SPG11: variants seen among roughly 807,000 people sequenced by gnomAD.
The protein encoded by SPG11 is spatacsin.
Under a neutral mutation model 274.0 loss-of-function variants are expected in SPG11, and 222 were observed. The ratio of observed to expected loss-of-function variants is 0.81; its 90% CI spans 0.73 to 0.91. The LOEUF (loss-of-function observed/expected upper bound fraction) is 0.91, where lower values mean the gene tolerates loss of function less well. SPG11 is among the 40% of genes least tolerant of loss of function. The pLI is 0.00. For synonymous variants in SPG11, 1,144 were observed against 1,039.7 expected, an observed-to-expected ratio of 1.10 and a Z score of -1.93; for missense variants, 3,114 against 2,872.7, an observed-to-expected ratio of 1.08 and a Z score of -1.92.
chr15:44,573,896 T>C, intron 31 of SPG11, 151 bp from the exon 32 acceptor site: 1 of 724,212 alleles, frequency 1.4e-6, no homozygotes, highest in Non-Finnish European at 2.4e-6. Context: ...AAGCAAGTAC[T>C]GTTTTCTAAC....
In SPG11 at chr15:44,563,371, C is replaced by G. The variant is rs544739146; in HGVS notation, c.7152-70G>C. 5 of 1,436,934 alleles carry G rather than the reference C, an allele frequency of 3.5e-6. No homozygotes were observed. The South Asian group carries it at 4.6e-5, about 13-fold the overall frequency. The allele number at this position is 1,436,934 out of a possible 1,614,324, so 89.0% of individuals were successfully genotyped here. A position where few individuals can be genotyped will look rare whatever the true frequency, so the allele number is the denominator to read the frequency against. ...TTTTGTTTTGTTTGAGACAGTCTTA[C>G]TCTGTTGCCCAGGCTGGAGTGCAGA... On this transcript the variant is annotated intron_variant, in intron 39 of 39. Coordinates refer to ENST00000261866, the MANE Select transcript of SPG11 (RefSeq NM_025137.4).
At chr15:44,649,438 T>A (rs1384946759) in intron 6 of SPG11, among the ~76,000 whole-genome samples, 2 of 152,124 alleles carry the variant, frequency 1.3e-5, no homozygotes, top group Non-Finnish European at 2.9e-5. Flanking sequence ...TCACTTTGTT[T>A]CCCAGGCTGG....
chr15:44,595,965 C>T, intron 25 of SPG11, 118 bp downstream of exon 25: 1 of 1,363,094 alleles, frequency 7.3e-7, no homozygotes, highest in Admixed American at 1.9e-5. Context: ...AACTTGGAAA[C>T]ACATGCTGGA....
chr15:44,632,393 A>C (rs1161376737), intron 8 of SPG11, among the ~76,000 whole-genome samples: 2 of 152,194 alleles, frequency 1.3e-5, no homozygotes, highest in African/African-American at 4.8e-5. Flanking sequence ...TGTTGTTCTA[A>C]GGAGAGAATT....
chr15:44,610,162 C>CA (rs1398534575), intron 18 of SPG11, among the ~76,000 whole-genome samples: 1 of 151,892 alleles, frequency 6.6e-6, no homozygotes, highest in Non-Finnish European at 1.5e-5. Context: ...CTTGGCCTCC[C>CA]AAAGTGCTGG....
chr15:44,615,509 C>T lies in SPG11; in HGVS notation c.2892G>A (p.Leu964=). ...LEDFECFLLR[L]SRIGGVIQDT... ...CCTGTATTACACCTCCAATACGGCT[C>T]AGTCTTAGGAGGAAGCATTCAAAGT... Residue 964 remains leucine (L), a synonymous_variant, in exon 16 of 40, where the codon CTG becomes CTA. Coordinates refer to ENST00000261866, the MANE Select transcript of SPG11 (RefSeq NM_025137.4). 1 of 1,614,080 alleles carries T rather than the reference C, an allele frequency of 6.2e-7. No homozygotes were observed. Among genetic ancestry groups the T allele is most frequent in the Middle Eastern group, 1.7e-4 (1 of 6,044 alleles).
chr15:44,597,912 T>C (rs1205722190), intron 23 of SPG11, among the ~76,000 whole-genome samples: 2 of 152,196 alleles, frequency 1.3e-5, no homozygotes, highest in African/African-American at 4.8e-5. Flanking sequence ...TCTTCTTCAT[T>C]TTTTTCCAAT....
chr15:44,568,916 A>G (rs1344718160), intron 35 of SPG11, among the ~76,000 whole-genome samples: 4 of 152,116 alleles, frequency 2.6e-5, no homozygotes, highest in Non-Finnish European at 5.9e-5. Context: ...TCATGCCTGT[A>G]ATCCCAGCAT....
At chr15:44,583,503 A>T (rs557114697) in intron 30 of SPG11, among the ~76,000 whole-genome samples, 2 of 152,166 alleles carry the variant, frequency 1.3e-5, no homozygotes, top group Non-Finnish European at 2.9e-5. Flanking sequence ...AAAAAGCCAT[A>T]TTTCTATATA....
chr15:44,573,803 A>C lies in SPG11; in HGVS notation c.6007-58T>G, dbSNP rs1303873418. 2.6e-6 allele frequency: 4 copies of C among 1,552,300 alleles called. No homozygotes were observed. The East Asian group carries it at 9.0e-5, about 35-fold the overall frequency. ...TTTAGAAGCCAGGAAAAAGCAAAAG[A>C]GCCCTTTCTGAAATCTGATGTGGAC... On this transcript the variant is annotated intron_variant, in intron 31 of 39. Coordinates refer to ENST00000261866, the MANE Select transcript of SPG11 (RefSeq NM_025137.4).
At chr15:44,613,563 C>G in intron 16 of SPG11, 27 bp from the exon 17 acceptor site, 2 of 1,417,436 alleles carry the variant, frequency 1.4e-6, no homozygotes, top group Non-Finnish European at 2.0e-6. Context: ...CAAAAACCTT[C>G]TTTGATTAAC....
At chr15:44,659,010 A>C in intron 3 of SPG11, 69 bp downstream of exon 3, 9 of 1,487,250 alleles carry the variant, frequency 6.1e-6, no homozygotes, top group Non-Finnish European at 8.4e-6. Context: ...ACTAAAGCCT[A>C]AAAAGGCTCA....
chr15:44,629,370 G>T lies in SPG11; in HGVS notation c.1754C>A (p.Pro585Gln). The change falls in exon 9 of 40, where the codon CCA becomes CAA. Residue 585 changes from proline (P) to glutamine (Q), a missense_variant. Pro to Gln is a moderately conservative substitution (Grantham distance 76). Transcript: ENST00000261866. ...TGCCGAGCAAAGTAAATCCAATGCT[G>T]GTATCAGCTCTTCCACATCTGAGAA... is the stretch of plus-strand genomic sequence containing the variant. Reference protein sequence around the residue: ...LYLRNVEELIPALDLLCSAIR... With the variant: ...LYLRNVEELIQALDLLCSAIR... 1.9e-6 allele frequency: 3 copies of T among 1,613,972 alleles called. No homozygotes were observed. Among genetic ancestry groups the T allele is most frequent in the Non-Finnish European group, 2.5e-6 (3 of 1,179,984 alleles).
Position 44,652,139 on chromosome 15 carries a change from G to C in SPG11, c.997C>G (p.Gln333Glu). 1 of 1,614,078 alleles carries C rather than the reference G, an allele frequency of 6.2e-7. No homozygotes were observed. The change falls in exon 5 of 40, where the codon CAA (glutamine) becomes GAA (glutamate). Residue 333 changes from glutamine (Q) to glutamate (E), a missense_variant. Physicochemically the swap from Gln to Glu is conservative, Grantham distance 29. Transcript: ENST00000261866. Reference protein sequence around the residue: ...YNMKLAKFSFQIDRSWKAQLS... With the variant: ...YNMKLAKFSFEIDRSWKAQLS... The stretch of plus-strand genomic sequence containing the variant: ...AGGAAGTTTCTGTACCTATCAATTT[G>C]GAAGGAAAACTTGGCCAGTTTCATG...
intron 4 of SPG11, among the ~76,000 whole-genome samples, chr15:44,653,676 A>C (rs761134438): frequency 1.3e-5 from 2 of 152,194 alleles, no homozygotes; most frequent in Non-Finnish European, 2.9e-5. Context: ...GGAGACAGAA[A>C]GGGTAGGACC....
chr15:44,642,712 T>A (rs1022066308), intron 7 of SPG11, among the ~76,000 whole-genome samples: 35 of 148,004 alleles, frequency 2.4e-4, no homozygotes, highest in African/African-American at 4.0e-4. Context: ...AAAAAAAAAA[T>A]AATAAAAATT....
intron 7 of SPG11, among the ~76,000 whole-genome samples, chr15:44,634,224 A>G (rs1314108229): frequency 6.6e-6 from 1 of 152,176 alleles, no homozygotes. Context: ...AACAATTCAA[A>G]GCTAAATATT....
At chr15:44,627,476 G>A (rs1478648380) in intron 10 of SPG11, among the ~76,000 whole-genome samples, 3 of 152,094 alleles carry the variant, frequency 2.0e-5, no homozygotes, top group Non-Finnish European at 4.4e-5. Context: ...CAGTGATTTT[G>A]AGTAAAAAGA....
intron 39 of SPG11, among the ~76,000 whole-genome samples, chr15:44,564,146 C>T (rs1456153410): frequency 6.6e-6 from 1 of 152,132 alleles, no homozygotes; most frequent in Admixed American, 6.6e-5. Flanking sequence ...GTGCCAGCTA[C>T]CACACCCAGC....
Sources: gnomAD v4.1 joint callset for allele counts (sites outside exome capture counted in the v4.1 genomes callset) on GRCh38, gnomAD v4.1.1 for gene constraint, MANE v1.5 for transcripts, NCBI Gene and HGNC (gene_info 2026-07-23, HGNC 2026-07-21) for gene names.